The following ANKRD26 variants were observed in gnomAD, a reference collection of about 807,000 sequenced individuals.
The protein encoded by ANKRD26 is ankyrin repeat domain-containing protein 26.
Under a neutral mutation model 208.7 loss-of-function variants are expected in ANKRD26, and 141 were observed. That is an observed-to-expected ratio of 0.68 (90% CI 0.59 to 0.78). The LOEUF (loss-of-function observed/expected upper bound fraction) is 0.78. ANKRD26 is among the 30% of genes least tolerant of loss of function. The pLI is 0.00. For synonymous variants in ANKRD26, 636 were observed against 660.4 expected (o/e 0.96, Z 0.57); for missense variants, 1,889 against 1,938.7 (o/e 0.97, Z 0.48).
chr10:26,956,287 G>GA, the ANKRD26 span, among the ~76,000 whole-genome samples: 1 of 151,868 alleles, frequency 6.6e-6, no homozygotes, highest in African/African-American at 2.4e-5. Flanking sequence ...TTTGTGCTAG[G>GA]AAAAACATTG....
At chr10:27,010,803 C>T (rs1038102304) in intron 32 of ANKRD26, among the ~76,000 whole-genome samples, 10 of 151,906 alleles carry the variant, frequency 6.6e-5, no homozygotes, top group African/African-American at 2.4e-4. Context: ...CCATTGCACC[C>T]GGCCTACACA....
chr10:27,064,520 C>T (rs34677446), intron 11 of ANKRD26, among the ~76,000 whole-genome samples: 12,487 of 152,134 alleles, frequency 0.082, 726 homozygotes, highest in East Asian at 0.28. Context: ...AATACACTTG[C>T]TATAGTACAG....
At chr10:26,970,783 G>A (rs147182817), downstream of ANKRD26, among the ~76,000 whole-genome samples, 276 of 152,234 alleles carry the variant, frequency 1.8e-3, 1 homozygote, top group Admixed American at 6.3e-3. Context: ...ACTCTCGCCC[G>A]TTTATATCAG....
chr10:26,988,198 C>A (rs1297307768), downstream of ANKRD26, among the ~76,000 whole-genome samples: 1 of 152,048 alleles, frequency 6.6e-6, no homozygotes, highest in Non-Finnish European at 1.5e-5. Context: ...GCCAGCCAGC[C>A]CCACAAACCC....
At position 27,013,075 on chromosome 10, in the gene ANKRD26, A is replaced by G. The variant is rs1036836191; in HGVS notation, c.4760T>C (p.Leu1587Pro). ...TCTGCTCTGCTGTTTTTCCACAAGAAGTTTGGTGTTGACCTCTGCTAGCCT... is the reference window on the plus strand; with the variant it reads ...TCTGCTCTGCTGTTTTTCCACAAGAGGTTTGGTGTTGACCTCTGCTAGCCT... ...NERLAEVNTKLLVEKQQSRSL... is the reference protein window; with the variant it reads ...NERLAEVNTKPLVEKQQSRSL... Residue 1587 changes from leucine to proline, a missense_variant, in exon 32 of 34, where the codon CTT (leucine) becomes CCT (proline). By Grantham distance (98) the Leu-to-Pro change is moderately conservative. Coordinates refer to ENST00000376087, the MANE Select transcript of ANKRD26 (RefSeq NM_014915.3). 1.2e-6 allele frequency: 2 copies of G among 1,613,988 alleles called. No individual in the cohort carries two copies. Among genetic ancestry groups the G allele is most frequent in the Non-Finnish European group, 1.7e-6 (2 of 1,179,924 alleles).
At chr10:26,974,977 G>A (rs1381815263) in exon 6 of ANKRD26, among the ~76,000 whole-genome samples, 3 of 151,978 alleles carry the variant, frequency 2.0e-5, no homozygotes, top group African/African-American at 7.3e-5. Context: ...AATATGTCTA[G>A]ACTTGAATTT....
the ANKRD26 span, among the ~76,000 whole-genome samples, chr10:26,954,358 C>A: frequency 2.0e-5 from 3 of 152,240 alleles, no homozygotes; most frequent in Admixed American, 6.5e-5. Flanking sequence ...ACAGGAAATT[C>A]TTTTATAGCT....
intron 11 of ANKRD26, among the ~76,000 whole-genome samples, chr10:27,065,744 A>T (rs1035606109): frequency 6.7e-6 from 1 of 149,480 alleles, no homozygotes; most frequent in Non-Finnish European, 1.5e-5. Context: ...AAAAAAAAAA[A>T]CAAAAAAAAC....
downstream of ANKRD26, among the ~76,000 whole-genome samples, chr10:26,988,213 T>C (rs2052422080): frequency 6.6e-6 from 1 of 152,154 alleles, no homozygotes; most frequent in South Asian, 2.1e-4. Flanking sequence ...AAACCCTCTA[T>C]GTTGTTTCTT....
chr10:26,999,524 C>A (rs963366340), downstream of ANKRD26, among the ~76,000 whole-genome samples: 1 of 152,116 alleles, frequency 6.6e-6, no homozygotes, highest in African/African-American at 2.4e-5. Flanking sequence ...CACAATATGT[C>A]AGGGGCTTAA....
At chr10:26,963,240 T>G in the ANKRD26 span, among the ~76,000 whole-genome samples, 4 of 152,310 alleles carry the variant, frequency 2.6e-5, no homozygotes, top group East Asian at 7.7e-4. Context: ...AAGCCTTTAT[T>G]CTTTTCACAT....
At chr10:26,983,541 G>T (rs2052340026) in intron 3 of ANKRD26, among the ~76,000 whole-genome samples, 1 of 152,172 alleles carries the variant, frequency 6.6e-6, no homozygotes, top group Non-Finnish European at 1.5e-5. Flanking sequence ...CATGTCTCCT[G>T]CACTGTTTGG....
chr10:27,024,150 A>T (rs1288497898), intron 28 of ANKRD26, among the ~76,000 whole-genome samples: 1 of 152,194 alleles, frequency 6.6e-6, no homozygotes, highest in Non-Finnish European at 1.5e-5. Context: ...AAGATTACCA[A>T]AGAAAGTGAA....
intron 9 of ANKRD26, among the ~76,000 whole-genome samples, chr10:27,071,975 G>A (rs1198662855): frequency 6.6e-6 from 1 of 152,182 alleles, no homozygotes; most frequent in Non-Finnish European, 1.5e-5. Flanking sequence ...TCAGCCAGCT[G>A]ACCCAGGCTG....
In ANKRD26 at chr10:27,022,661, C is replaced by T; in HGVS notation, c.4112G>A (p.Arg1371Lys). ...TGFKNLLKMT[R>K]KKLNEYENGE... Reference sequence around the variant, plus strand: ...ATTTTCATATTCATTTAACTTCTTTCTTGTCATTTTTAAGAGGTTCTTAAA... The same window carrying T: ...ATTTTCATATTCATTTAACTTCTTTTTTGTCATTTTTAAGAGGTTCTTAAA... The change falls in exon 29 of 34, where the codon AGA becomes AAA. Residue 1371 changes from arginine (R) to lysine (K), a missense_variant. Physicochemically the swap from Arg to Lys is conservative, Grantham distance 26. Around this residue, in one of 3 missense-constraint regions of ANKRD26, gnomAD observed 613 missense variants for 648.2 expected, o/e 0.95. Coordinates refer to ENST00000376087, the MANE Select transcript of ANKRD26 (RefSeq NM_014915.3). The T allele has an allele frequency of 6.3e-7, 1 of 1,587,124 alleles. No homozygotes were observed. The highest frequency in any genetic ancestry group is 8.6e-7 in the Non-Finnish European group (1 of 1,160,876).
At chr10:26,951,898 G>T in the ANKRD26 span, among the ~76,000 whole-genome samples, 1 of 152,198 alleles carries the variant, frequency 6.6e-6, no homozygotes, top group African/African-American at 2.4e-5. Context: ...TAAACAACTT[G>T]CCTGCATGCA....
chr10:27,086,014 G>A (rs551327654), intron 5 of ANKRD26, among the ~76,000 whole-genome samples: 11 of 152,018 alleles, frequency 7.2e-5, no homozygotes, highest in Admixed American at 3.9e-4. Flanking sequence ...ATTATCATAA[G>A]GCTTGCAGTC....
chr10:27,022,686 A>C lies in ANKRD26; in HGVS notation c.4087T>G (p.Phe1363Val). 2 of 1,582,538 alleles carry C rather than the reference A, an allele frequency of 1.3e-6. No homozygotes were observed. Among genetic ancestry groups the C allele is most frequent in the Non-Finnish European group, 1.7e-6 (2 of 1,157,842 alleles). ...CTTGTCATTTTTAAGAGGTTCTTAA[A>C]TCTGCAGGAAGGTACAAAATGAGTA... ...NVELEREITG[F>V]KNLLKMTRKK... The change falls in exon 29 of 34, where the codon TTT becomes GTT. Residue 1363 changes from phenylalanine to valine, a missense_variant and splice_region_variant. Physicochemically the swap from Phe to Val is conservative, Grantham distance 50. Around this residue, in one of 3 missense-constraint regions of ANKRD26, gnomAD observed 613 missense variants for 648.2 expected, o/e 0.95. Coordinates refer to ENST00000376087, the MANE Select transcript of ANKRD26 (RefSeq NM_014915.3).
intron 9 of ANKRD26, chr10:27,077,025 G>C (rs1474061048): frequency 6.0e-6 from 2 of 335,004 alleles, no homozygotes; most frequent in African/African-American, 4.3e-5. Flanking sequence ...TAATACCAAA[G>C]CCAGAAAAGG....
Sources: allele counts gnomAD v4.1 joint callset (sites outside exome capture counted in the v4.1 genomes callset), GRCh38; gene constraint gnomAD v4.1.1; regional missense constraint gnomAD v4.1.1; transcripts MANE v1.5; gene names NCBI Gene and HGNC (gene_info 2026-07-23, HGNC 2026-07-21).